Variants in CDH19 observed in about 807,000 individuals in gnomAD.
CDH19 encodes the protein cadherin-19.
In CDH19, 67 loss-of-function variants were observed where a neutral mutation model predicts 64.2. The ratio of observed to expected loss-of-function variants is 1.04; its 90% CI spans 0.86 to 1.28. The LOEUF (loss-of-function observed/expected upper bound fraction) is 1.28. Ranked by LOEUF, CDH19 falls within the 50% of genes most tolerant of loss-of-function variation. The pLI, the probability that CDH19 is intolerant of heterozygous loss-of-function variation, is 0.00. For missense variants in CDH19, 1,030 were observed against 929.0 expected (o/e 1.11, Z -1.41); for synonymous variants, 346 against 319.3 (o/e 1.08, Z -0.89).
chr18:66,573,603 A>G (rs1470438365), intron 1 of CDH19, among the ~76,000 whole-genome samples: 3 of 147,882 alleles, frequency 2.0e-5, no homozygotes. Flanking sequence ...AATATTTGGA[A>G]CTGGTACAAT....
chr18:66,522,655 T>C (rs1986047185), intron 9 of CDH19, among the ~76,000 whole-genome samples: 1 of 151,328 alleles, frequency 6.6e-6, no homozygotes, highest in Admixed American at 6.6e-5. Flanking sequence ...TATGTTTTAT[T>C]ATATATATTT....
intron 7 of CDH19, among the ~76,000 whole-genome samples, chr18:66,541,340 T>A (rs1288583207): frequency 6.8e-6 from 1 of 146,904 alleles, no homozygotes; most frequent in Non-Finnish European, 1.5e-5. Flanking sequence ...AAATACAATA[T>A]CCTAATATTT....
At chr18:66,585,851 A>T (rs1244872248) in intron 1 of CDH19, among the ~76,000 whole-genome samples, 3 of 152,104 alleles carry the variant, frequency 2.0e-5, no homozygotes, top group Non-Finnish European at 4.4e-5. Context: ...ACAGATACAT[A>T]TTATCATGCT....
At chr18:66,592,926 T>G (rs1988784365) in intron 1 of CDH19, among the ~76,000 whole-genome samples, 1 of 151,902 alleles carries the variant, frequency 6.6e-6, no homozygotes, top group African/African-American at 2.4e-5. Flanking sequence ...GTGAGATTGC[T>G]GAATCATATA....
At chr18:66,577,360 T>C (rs556148125) in intron 1 of CDH19, among the ~76,000 whole-genome samples, 7 of 152,048 alleles carry the variant, frequency 4.6e-5, no homozygotes, top group African/African-American at 1.2e-4. Context: ...GTAATCATTA[T>C]GGTAAAGTAT....
rs538014738 is a variant in CDH19 at position 66,554,405 on chromosome 18, C to G, written c.610G>C (p.Gly204Arg). The G allele has an allele frequency of 6.2e-7, 1 of 1,610,532 alleles. No homozygotes were observed. The highest frequency in any genetic ancestry group is 1.7e-5 in the Admixed American group (1 of 59,600). Residue 204 changes from glycine to arginine, a missense_variant and splice_region_variant, in exon 4 of 12, where the codon GGA becomes CGA. Transcript: ENST00000262150. ...CTTTGCTTGTTTCATTCACAAATAC[C>G]TGTTGTTGGTTCAACAGAAAAATAT... ...QPYFSVEPTT[G>R]VIRISSKMDR... is the part of the protein sequence containing the mutation.
chr18:66,596,706 A>T (rs1366417220), intron 1 of CDH19, among the ~76,000 whole-genome samples: 3 of 152,164 alleles, frequency 2.0e-5, no homozygotes, highest in African/African-American at 7.2e-5. Flanking sequence ...CAATATTGTT[A>T]AAATGACCAT....
rs184502934 is a variant in CDH19 at position 66,513,792 on chromosome 18, A to G, written c.1459-2107T>C. Among the ~76,000 whole-genome samples, 25 of 151,562 alleles carry G rather than the reference A, an allele frequency of 1.6e-4. No homozygotes were observed. In the East Asian group the frequency reaches 4.8e-3, roughly 29 times the overall value. On this transcript the variant is annotated intron_variant, in intron 9 of 11. Transcript: ENST00000262150. ...ATACCAAGAACAGCCATGGCTTGAG[A>G]GATTGGGAAAAGAGAAAATGAAAAT... is the stretch of plus-strand genomic sequence containing the variant.
At chr18:66,601,276 ACTT>A (rs568465410) in intron 1 of CDH19, among the ~76,000 whole-genome samples, 5 of 151,862 alleles carry the variant, frequency 3.3e-5, no homozygotes, top group Non-Finnish European at 7.4e-5. Context: ...AAAAATAGCG[ACTT>A]CTTTTCTGTG....
intron 1 of CDH19, among the ~76,000 whole-genome samples, chr18:66,589,963 A>C (rs939373954): frequency 3.6e-5 from 5 of 138,086 alleles, no homozygotes; most frequent in African/African-American, 9.8e-5. Flanking sequence ...CAAATATGAC[A>C]AAACTATTAT....
At chr18:66,550,981 T>C (rs1987315959) in intron 5 of CDH19, 113 bp downstream of exon 5, 3 of 527,090 alleles carry the variant, frequency 5.7e-6, no homozygotes, top group African/African-American at 1.9e-5. Flanking sequence ...AAATTTATTT[T>C]ATATAATTTT....
intron 9 of CDH19, among the ~76,000 whole-genome samples, chr18:66,516,707 T>C (rs958359606): frequency 3.0e-4 from 46 of 152,006 alleles, no homozygotes; most frequent in African/African-American, 8.0e-4. Context: ...TGCTGTGAGA[T>C]TGGATGAAGG....
intron 3 of CDH19, among the ~76,000 whole-genome samples, chr18:66,557,207 T>C (rs1987550947): frequency 6.6e-6 from 1 of 151,950 alleles, no homozygotes; most frequent in African/African-American, 2.4e-5. Context: ...CAGTGTGTAC[T>C]CCTTACACAC....
At chr18:66,532,094 G>A (rs1441196340) in intron 8 of CDH19, among the ~76,000 whole-genome samples, 3 of 151,942 alleles carry the variant, frequency 2.0e-5, no homozygotes, top group Non-Finnish European at 4.4e-5. Context: ...AGCCTCCCTA[G>A]TAGCTGAAAC....
chr18:66,589,452 T>C (rs1253670243), intron 1 of CDH19, among the ~76,000 whole-genome samples: 1 of 151,910 alleles, frequency 6.6e-6, no homozygotes, highest in African/African-American at 2.4e-5. Context: ...CTTAGTATAG[T>C]AAATAAACCA....
intron 1 of CDH19, among the ~76,000 whole-genome samples, chr18:66,582,015 A>G (rs550765580): frequency 6.6e-6 from 1 of 152,258 alleles, no homozygotes; most frequent in South Asian, 2.1e-4. Context: ...AAAGACATCA[A>G]GTGTATTCTA....
chr18:66,572,156 A>G lies in CDH19; in HGVS notation c.49T>C (p.Trp17Arg). 10 of 1,611,394 alleles carry G rather than the reference A, an allele frequency of 6.2e-6. No individual in the cohort carries two copies. Among genetic ancestry groups the G allele is most frequent in the Non-Finnish European group, 8.5e-6 (10 of 1,178,276 alleles). The change falls in exon 2 of 12, where the codon TGG becomes CGG. Residue 17 changes from tryptophan to arginine, a missense_variant. Coordinates refer to ENST00000262150, the MANE Select transcript of CDH19 (RefSeq NM_021153.4). ...TTTTCTGTTGCTCCAAGACAAGGCC[A>G]TAGGAGAGGAATTCCCAACATAAAA... ...LRFMLGIPLL[W>R]PCLGATENSQ...
At chr18:66,543,154 T>C (rs1986956868) in intron 7 of CDH19, among the ~76,000 whole-genome samples, 1 of 152,074 alleles carries the variant, frequency 6.6e-6, no homozygotes, top group Non-Finnish European at 1.5e-5. Context: ...GCCTCCTGAG[T>C]AGCTGGGACT....
chr18:66,543,962 C>T lies in CDH19; in HGVS notation c.1214+9G>A. The T allele has an allele frequency of 1.3e-6, 2 of 1,593,284 alleles. No homozygotes were observed. The highest frequency in any genetic ancestry group is 1.7e-6 in the Non-Finnish European group (2 of 1,168,880). ...ATTTATTAATGCAAAACTGACCTTA[C>T]AGACATACCTGATAGGAGATTTCCT... On this transcript the variant is annotated intron_variant, in intron 7 of 11. Transcript: ENST00000262150.
Sources: gnomAD v4.1 joint callset for allele counts (sites outside exome capture counted in the v4.1 genomes callset) on GRCh38, gnomAD v4.1.1 for gene constraint, MANE v1.5 for transcripts, NCBI Gene and HGNC (gene_info 2026-07-23, HGNC 2026-07-21) for gene names.